SCHIP1: variants seen among roughly 807,000 people sequenced by gnomAD.
SCHIP1 encodes schwannomin-interacting protein 1.
Under a neutral mutation model 29.7 loss-of-function variants are expected in SCHIP1, and 8 were observed. The observed-to-expected ratio is 0.27, with a 90% CI of 0.16 to 0.49. The LOEUF (loss-of-function observed/expected upper bound fraction) is 0.49. Among genes scored for constraint, SCHIP1 ranks in the 20% least tolerant of loss-of-function variants. SCHIP1 has a pLI of 0.99. For missense variants in SCHIP1, 193 were observed against 294.6 expected (o/e 0.66, Z 2.52); for synonymous variants, 76 against 94.9 (o/e 0.80, Z 1.16).
chr3:159,393,486 T>G, the SCHIP1 span, among the ~76,000 whole-genome samples: 1 of 152,130 alleles, frequency 6.6e-6, no homozygotes, highest in Non-Finnish European at 1.5e-5. Context: ...GAATTGATTT[T>G]TGTATAAGGT....
At chr3:159,480,863 C>G in the SCHIP1 span, among the ~76,000 whole-genome samples, 1 of 152,092 alleles carries the variant, frequency 6.6e-6, no homozygotes, top group African/African-American at 2.4e-5. Flanking sequence ...TTTATTTCAC[C>G]TGGGTGCAGG....
intron 1 of SCHIP1, among the ~76,000 whole-genome samples, chr3:159,859,900 T>A (rs1343798415): frequency 2.6e-5 from 4 of 152,236 alleles, no homozygotes; most frequent in Non-Finnish European, 5.9e-5. Flanking sequence ...GACTGTGTAC[T>A]TACAAGCCCT....
the SCHIP1 span, among the ~76,000 whole-genome samples, chr3:159,540,325 G>A: frequency 1.3e-5 from 2 of 152,076 alleles, no homozygotes; most frequent in African/African-American, 4.8e-5. Flanking sequence ...ACTATAGGAA[G>A]GGCTATTTAG....
the SCHIP1 span, among the ~76,000 whole-genome samples, chr3:159,370,095 A>G: frequency 1.3e-5 from 2 of 152,294 alleles, no homozygotes; most frequent in East Asian, 1.9e-4. Flanking sequence ...AATGAATGTA[A>G]TCTTGTTAAA....
chr3:159,467,943 T>G, the SCHIP1 span, among the ~76,000 whole-genome samples: 1 of 152,166 alleles, frequency 6.6e-6, no homozygotes, highest in Non-Finnish European at 1.5e-5. Context: ...TAGAGTAATT[T>G]ACTTTCATTT....
At chr3:159,765,039 A>C in the SCHIP1 span, 2 of 1,551,684 alleles carry the variant, frequency 1.3e-6, no homozygotes, top group Non-Finnish European at 1.7e-6. Flanking sequence ...CCCCGGTGCC[A>C]CCTATGGATT....
At chr3:159,763,344 A>G in the SCHIP1 span, among the ~76,000 whole-genome samples, 1 of 151,392 alleles carries the variant, frequency 6.6e-6, no homozygotes, top group Admixed American at 6.6e-5. Context: ...TTCCGCGTGG[A>G]ATAGGAGGCG....
chr3:159,429,113 G>T, the SCHIP1 span, among the ~76,000 whole-genome samples: 1 of 151,352 alleles, frequency 6.6e-6, no homozygotes, highest in African/African-American at 2.4e-5. Context: ...GAGTTAGTGG[G>T]TGGAGCCACT....
At chr3:159,883,673 A>G (rs933792057) in intron 2 of SCHIP1, among the ~76,000 whole-genome samples, 9 of 152,228 alleles carry the variant, frequency 5.9e-5, no homozygotes, top group Admixed American at 4.6e-4. Flanking sequence ...GTTATGTCAT[A>G]TAATTTCCTT....
chr3:159,498,967 C>T, the SCHIP1 span, among the ~76,000 whole-genome samples: 1 of 152,120 alleles, frequency 6.6e-6, no homozygotes, highest in African/African-American at 2.4e-5. Context: ...TCTTCATTGG[C>T]TCTCCTAGTA....
At chr3:159,444,072 G>T in the SCHIP1 span, among the ~76,000 whole-genome samples, 72,954 of 151,804 alleles carry the variant, frequency 0.48, 20,429 homozygotes, top group African/African-American at 0.78. Flanking sequence ...AGCAACTAGT[G>T]TATTTAGGGA....
chr3:159,704,615 T>C, the SCHIP1 span, among the ~76,000 whole-genome samples: 1 of 152,084 alleles, frequency 6.6e-6, no homozygotes, highest in East Asian at 1.9e-4. Context: ...TGAGCATTTT[T>C]AATGAAAGAC....
chr3:159,488,724 G>C, the SCHIP1 span, among the ~76,000 whole-genome samples: 1 of 152,256 alleles, frequency 6.6e-6, no homozygotes, highest in East Asian at 1.9e-4. Flanking sequence ...CTGCCCCTTG[G>C]CGCCATCAAA....
At chr3:159,510,430 G>C in the SCHIP1 span, among the ~76,000 whole-genome samples, 1 of 152,062 alleles carries the variant, frequency 6.6e-6, no homozygotes, top group Non-Finnish European at 1.5e-5. Flanking sequence ...CCTTTAGCTC[G>C]GGGAAGTTTG....
the SCHIP1 span, among the ~76,000 whole-genome samples, chr3:159,392,871 G>C: frequency 1.8e-4 from 28 of 152,178 alleles, no homozygotes; most frequent in African/African-American, 4.6e-4. Flanking sequence ...AGTTCTAGAT[G>C]CCTGAGGAAT....
chr3:159,344,819 T>C, the SCHIP1 span, among the ~76,000 whole-genome samples: 2 of 152,228 alleles, frequency 1.3e-5, no homozygotes, highest in Non-Finnish European at 2.9e-5. Flanking sequence ...TACTGGTTTA[T>C]AAATTGTGAC....
At chr3:159,432,286 A>AT in the SCHIP1 span, among the ~76,000 whole-genome samples, 2 of 108,094 alleles carry the variant, frequency 1.9e-5, no homozygotes, top group Admixed American at 1.0e-4. Context: ...AGAGTAGGTG[A>AT]TGTGTGTGTG....
At chr3:159,462,022 C>T in the SCHIP1 span, among the ~76,000 whole-genome samples, 1 of 151,894 alleles carries the variant, frequency 6.6e-6, no homozygotes, top group African/African-American at 2.4e-5. Context: ...CTGGCCTGGA[C>T]AACATGGTGA....
At chr3:159,656,835 C>T in the SCHIP1 span, among the ~76,000 whole-genome samples, 1 of 152,090 alleles carries the variant, frequency 6.6e-6, no homozygotes, top group African/African-American at 2.4e-5. Context: ...GTAAACTGCC[C>T]AGACACACTG....
Sources: gnomAD v4.1 joint callset for allele counts (sites outside exome capture counted in the v4.1 genomes callset) on GRCh38, gnomAD v4.1.1 for gene constraint, MANE v1.5 for transcripts, NCBI Gene and HGNC (gene_info 2026-07-23, HGNC 2026-07-21) for gene names.